Variants in MRPS7 observed in about 807,000 individuals in gnomAD.
MRPS7 encodes the protein small ribosomal subunit protein uS7m.
Under a neutral mutation model 26.2 loss-of-function variants are expected in MRPS7, and 13 were observed. The ratio of observed to expected loss-of-function variants is 0.50; its 90% CI spans 0.32 to 0.79. MRPS7 has a LOEUF of 0.79. MRPS7 is among the 30% of genes least tolerant of loss of function. The pLI is 0.03. For synonymous variants in MRPS7, 129 were observed against 113.3 expected, an observed-to-expected ratio of 1.14 and a Z score of -0.88; for missense variants, 318 against 312.2, an observed-to-expected ratio of 1.02 and a Z score of -0.14.
chr17:75,264,352 C>T (rs1036770831), intron 4 of MRPS7: 1 of 152,198 alleles, frequency 6.6e-6, no homozygotes, highest in African/African-American at 2.4e-5. Flanking sequence ...GTAAAATTCT[C>T]ATGGCGAGGG....
At chr17:75,265,591 C>T (rs1381074256) in intron 4 of MRPS7, 111 bp from the exon 5 acceptor site, 5 of 937,304 alleles carry the variant, frequency 5.3e-6, no homozygotes, top group African/African-American at 1.6e-5. Context: ...CAGGCCTGAC[C>T]AGGGCTGGTC....
chr17:75,262,872 A>T lies in MRPS7; in HGVS notation c.339+5A>T, dbSNP rs1356645321. The stretch of plus-strand genomic sequence containing the variant: ...GCCAGATCCCTCATGATTCAGGTAA[A>T]CAGCACTTCCCTCCTCAGTCATCTT... On this transcript the variant is annotated splice_donor_5th_base_variant and intron_variant, in intron 3 of 4. Transcript: ENST00000245539. 6.2e-7 allele frequency: 1 copy of T among 1,613,816 alleles called. No individual in the cohort carries two copies. Among genetic ancestry groups the T allele is most frequent in the South Asian group, 1.1e-5 (1 of 91,058 alleles).
At chr17:75,262,018 G>A (rs1393730346) in intron 1 of MRPS7, 35 bp downstream of exon 1, 1 of 1,599,830 alleles carries the variant, frequency 6.3e-7, no homozygotes, top group Non-Finnish European at 8.5e-7. Context: ...GGGGGGCGCT[G>A]CGAGGAAGGA....
At chr17:75,262,716 T>A in intron 2 of MRPS7, 28 bp downstream of exon 2, 4 of 1,613,902 alleles carry the variant, frequency 2.5e-6, no homozygotes, top group Non-Finnish European at 3.4e-6. Context: ...ACTTGTTACA[T>A]GGACTGGGAC....
In MRPS7 at chr17:75,263,445, C is replaced by G. The variant is rs1010300781; in HGVS notation, c.445C>G (p.Leu149Val). The change falls in exon 4 of 5, where the codon CTG becomes GTG. Residue 149 changes from leucine to valine, a missense_variant. Physicochemically the swap from Leu to Val is conservative, Grantham distance 32 (BLOSUM62 1). Coordinates refer to ENST00000245539, the MANE Select transcript of MRPS7 (RefSeq NM_015971.4). ...RNPYTIFHQA[L>V]KNCEPMIGLV... ...CCCCTACACCATCTTCCATCAAGCA[C>G]TGAAAAACTGTGAGCCTATGATTGG... is the stretch of plus-strand genomic sequence containing the variant. The G allele has an allele frequency of 6.2e-7, 1 of 1,614,136 alleles. No homozygotes were observed. Among genetic ancestry groups the G allele is most frequent in the African/African-American group, 1.3e-5 (1 of 75,058 alleles).
chr17:75,263,690 G>A (rs2077444763), intron 4 of MRPS7, 183 bp downstream of exon 4: 1 of 751,694 alleles, frequency 1.3e-6, no homozygotes, highest in South Asian at 1.8e-5. Flanking sequence ...AGACAGCAGG[G>A]CAACATAGGG....
chr17:75,265,588 G>A (rs932178069), intron 4 of MRPS7, 114 bp from the exon 5 acceptor site: 7 of 915,800 alleles, frequency 7.6e-6, no homozygotes, highest in Non-Finnish European at 1.2e-5. Flanking sequence ...CCCCAGGCCT[G>A]ACCAGGGCTG....
In MRPS7 at chr17:75,265,720, G is replaced by A. The variant is rs762459794; in HGVS notation, c.526G>A (p.Asp176Asn). ...CACCCAGGTCCCTGTACCCCTACCCGACCGGCGTCGCCGCTTCCTAGCCAT... is the reference window on the plus strand; with the variant it reads ...CACCCAGGTCCCTGTACCCCTACCCAACCGGCGTCGCCGCTTCCTAGCCAT... ...RFYQVPVPLP[D>N]RRRRFLAMKW... The change falls in exon 5 of 5, where the codon GAC becomes AAC. Residue 176 changes from aspartate to asparagine, a missense_variant. Asp to Asn is a conservative substitution (Grantham distance 23). Transcript: ENST00000245539. 11 of 1,613,784 alleles carry A rather than the reference G, an allele frequency of 6.8e-6. No homozygotes were observed. The African/African-American group carries it at 8.0e-5, about 12-fold the overall frequency.
At position 75,263,503 on chromosome 17, in the gene MRPS7, A is replaced by C; in HGVS notation, c.503A>C (p.Tyr168Ser). ...CCCATCCTCAAGGGAGGCCGTTTCT[A>C]CCAGGTGAATGAATGGCCAGGGCAA... is the stretch of plus-strand genomic sequence containing the variant. ...LVPILKGGRFYQVPVPLPDRR... is the reference protein window; with the variant it reads ...LVPILKGGRFSQVPVPLPDRR... The change falls in exon 4 of 5, where the codon TAC (tyrosine) becomes TCC (serine). Residue 168 changes from tyrosine to serine, a missense_variant. Transcript: ENST00000245539. 1.2e-6 allele frequency: 2 copies of C among 1,613,972 alleles called. No homozygotes were observed. The highest frequency in any genetic ancestry group is 1.7e-6 in the Non-Finnish European group (2 of 1,180,008).
At position 75,265,956 on chromosome 17, in the gene MRPS7, C is replaced by T; in HGVS notation, c.*33C>T. ...AGGAGGAGCCCAGGGCCCTCTGCCG[C>T]AAGAAACAGTGTGAGCTACTGCCAC... On this transcript the variant is annotated 3_prime_UTR_variant, in exon 5 of 5. Coordinates refer to ENST00000245539, the MANE Select transcript of MRPS7 (RefSeq NM_015971.4). 1 of 1,598,672 alleles carries T rather than the reference C, an allele frequency of 6.3e-7. No individual in the cohort carries two copies. The highest frequency in any genetic ancestry group is 8.6e-7 in the Non-Finnish European group (1 of 1,168,700).
Position 75,266,010 on chromosome 17 carries a change from T to C in MRPS7, c.*87T>C, listed in dbSNP as rs2077476659. 1.6e-6 allele frequency: 2 copies of C among 1,285,246 alleles called. No homozygotes were observed. Among genetic ancestry groups the C allele is most frequent in the South Asian group, 1.3e-5 (1 of 79,750 alleles). 79.6% of individuals were successfully genotyped at this position (1,285,246 alleles called of 1,614,324 possible). On this transcript the variant is annotated 3_prime_UTR_variant, in exon 5 of 5. Coordinates refer to ENST00000245539, the MANE Select transcript of MRPS7 (RefSeq NM_015971.4). The stretch of plus-strand genomic sequence containing the variant: ...GAAAACTACCTGTGGGTTAAGGATG[T>C]AGTTCCTTTGTAAGGGTGGGCAGGC...
chr17:75,264,840 A>G (rs2077460813), intron 4 of MRPS7, among the ~76,000 whole-genome samples: 1 of 151,294 alleles, frequency 6.6e-6, no homozygotes, highest in Admixed American at 6.6e-5. Context: ...GGTGGCCGCC[A>G]CCATGCCCAG....
At position 75,262,862 on chromosome 17, in the gene MRPS7, A is replaced by AT; in HGVS notation, c.336dup (p.Gln113SerfsTer12). Reference sequence around the variant, plus strand: ...CAAAGTACTGGCCAGATCCCTCATGATTCAGGTAAACAGCACTTCCCTCCT... The same window carrying AT: ...CAAAGTACTGGCCAGATCCCTCATGATTTCAGGTAAACAGCACTTCCCTCCT... On this transcript the variant is annotated frameshift_variant, in exon 3 of 5. Coordinates refer to ENST00000245539, the MANE Select transcript of MRPS7 (RefSeq NM_015971.4). LOFTEE classifies it high-confidence loss of function. 2 of 1,614,066 alleles carry AT rather than the reference A, an allele frequency of 1.2e-6. No homozygotes were observed. The highest frequency in any genetic ancestry group is 1.7e-6 in the Non-Finnish European group (2 of 1,179,942).
rs754218722 is a variant in MRPS7, at chr17:75,265,921, TAG to T, written c.*1_*2del. ...TGCCCTGGCCCACTACCGCTGGTGG[TAG>T]AGTCTCCAGGAGGAGCCCAGGGCCC... ...NRALAHYRWW[*>X] On this transcript the variant is annotated frameshift_variant and stop_lost, in exon 5 of 5. Coordinates refer to ENST00000245539, the MANE Select transcript of MRPS7 (RefSeq NM_015971.4). LOFTEE classifies it high-confidence loss of function. The T allele has an allele frequency of 9.9e-6, 16 of 1,613,392 alleles. 1 individual carries two copies. In the South Asian group the frequency reaches 1.2e-4, roughly 12 times the overall value.
intron 4 of MRPS7, 96 bp downstream of exon 4, chr17:75,263,603 C>T: frequency 1.3e-6 from 2 of 1,488,916 alleles, no homozygotes; most frequent in South Asian, 2.4e-5. Context: ...AGCTTTCTAG[C>T]TGGTGCAGTG....
rs2077429288 is a variant in MRPS7 at position 75,262,834 on chromosome 17, A to C, written c.306A>C (p.Gly102=). The change falls in exon 3 of 5, where the codon GGA becomes GGC. Residue 102 remains glycine, a synonymous_variant. Transcript: ENST00000245539. ...SKFTNMMMIG[G]NKVLARSLMI... ...TCACCAACATGATGATGATAGGAGGAAACAAAGTACTGGCCAGATCCCTCA... is the reference window on the plus strand; with the variant it reads ...TCACCAACATGATGATGATAGGAGGCAACAAAGTACTGGCCAGATCCCTCA... The C allele has an allele frequency of 6.2e-7, 1 of 1,614,124 alleles. No homozygotes were observed. Among genetic ancestry groups the C allele is most frequent in the South Asian group, 1.1e-5 (1 of 91,082 alleles).
rs1270533432 is a variant in MRPS7 at position 75,266,310 on chromosome 17, G to C, written c.*387G>C. On this transcript the variant is annotated 3_prime_UTR_variant, in exon 5 of 5. Transcript: ENST00000245539. ...GGTGCAGCATTCAGTGAAACTGGCT[G>C]GAGGAAATAGGCTTGTTTCCAGAGT... is the stretch of plus-strand genomic sequence containing the variant. 2.8e-6 allele frequency: 1 copy of C among 352,382 alleles called. No individual in the cohort carries two copies. Among genetic ancestry groups the C allele is most frequent in the Admixed American group, 4.4e-5 (1 of 22,896 alleles). 21.8% of individuals were successfully genotyped at this position (352,382 alleles called of 1,614,324 possible).
chr17:75,262,399 C>T (rs758607077), intron 1 of MRPS7, 98 bp from the exon 2 acceptor site: 2 of 1,373,622 alleles, frequency 1.5e-6, no homozygotes, highest in East Asian at 2.3e-5. Context: ...GCGCCGCTCC[C>T]CCTCGTCGGC....
rs201543839 is a variant in MRPS7 at position 75,265,681 on chromosome 17, C to T, written c.508-21C>T. On this transcript the variant is annotated intron_variant, in intron 4 of 4. Coordinates refer to ENST00000245539, the MANE Select transcript of MRPS7 (RefSeq NM_015971.4). ...CCTGGCAGACTCTTGGACCAACTTGCCTATGTCCTGTCTCACCCAGGTCCC... is the reference window on the plus strand; with the variant it reads ...CCTGGCAGACTCTTGGACCAACTTGTCTATGTCCTGTCTCACCCAGGTCCC... 28 of 1,607,808 alleles carry T rather than the reference C, an allele frequency of 1.7e-5. No homozygotes were observed. In the Admixed American group the frequency reaches 4.2e-4, roughly 24 times the overall value.
Sources: gnomAD v4.1 joint callset for allele counts (sites outside exome capture counted in the v4.1 genomes callset) on GRCh38, gnomAD v4.1.1 for gene constraint, MANE v1.5 for transcripts, NCBI Gene and HGNC (gene_info 2026-07-23, HGNC 2026-07-21) for gene names.